CLIP4: variants seen among roughly 807,000 people sequenced by gnomAD.
CLIP4 encodes the protein CAP-Gly domain-containing linker protein 4.
Under a neutral mutation model 73.1 loss-of-function variants are expected in CLIP4, and 47 were observed. The observed-to-expected ratio is 0.64, with a 90% CI of 0.51 to 0.82. The LOEUF (loss-of-function observed/expected upper bound fraction) is 0.82, where lower values mean the gene tolerates loss of function less well. Ranked by LOEUF, CLIP4 falls within the 40% of genes least tolerant of loss-of-function variation. The pLI, the probability that CLIP4 is intolerant of heterozygous loss-of-function variation, is 0.00. For missense variants in CLIP4, 874 were observed against 852.9 expected, an observed-to-expected ratio of 1.02 and a Z score of -0.31; for synonymous variants, 306 against 295.4, an observed-to-expected ratio of 1.04 and a Z score of -0.37.
chr2:29,132,348 A>T, intron 4 of CLIP4, 103 bp downstream of exon 4: 2 of 881,062 alleles, frequency 2.3e-6, no homozygotes, highest in East Asian at 2.5e-5. Flanking sequence ...CACCCAGCTG[A>T]TGATGATAAT....
At chr2:29,165,593 C>A (rs1284933661) in intron 13 of CLIP4, among the ~76,000 whole-genome samples, 3 of 152,180 alleles carry the variant, frequency 2.0e-5, no homozygotes, top group Non-Finnish European at 2.9e-5. Flanking sequence ...GAGTAAAATG[C>A]ATGCTGAGTC....
At chr2:29,144,739 T>C (rs543445309) in intron 7 of CLIP4, among the ~76,000 whole-genome samples, 2 of 151,222 alleles carry the variant, frequency 1.3e-5, no homozygotes, top group East Asian at 1.9e-4. Flanking sequence ...GAGCTTGGTA[T>C]GGAGAATGGA....
At chr2:29,181,463 T>G (rs1274599103) in intron 15 of CLIP4, 109 bp from the exon 16 acceptor site, 6 of 893,608 alleles carry the variant, frequency 6.7e-6, no homozygotes, top group Non-Finnish European at 8.4e-6. Flanking sequence ...TATTCTCTTT[T>G]GGGAACTGAG....
At chr2:29,174,692 T>C in intron 15 of CLIP4, 1 of 1,126,492 alleles carries the variant, frequency 8.9e-7, no homozygotes, top group African/African-American at 1.6e-5. Context: ...TCAGAACTGT[T>C]AATAAAAGTT....
intron 2 of CLIP4, among the ~76,000 whole-genome samples, chr2:29,129,163 T>C (rs966379605): frequency 1.3e-4 from 20 of 152,218 alleles, no homozygotes; most frequent in Non-Finnish European, 2.5e-4. Flanking sequence ...CAGAGGCTTA[T>C]TTGTAATTCA....
rs1310945699 is a variant in CLIP4 at position 29,164,024 on chromosome 2, A to C, written c.1658+70A>C. ...TCTGCAGTGGTTAATAGAGACACTAATTTTATATTAAAGATATGCTCTGAT... is the reference window on the plus strand; with the variant it reads ...TCTGCAGTGGTTAATAGAGACACTACTTTTATATTAAAGATATGCTCTGAT... On this transcript the variant is annotated intron_variant, in intron 13 of 15. Transcript: ENST00000320081. The C allele has an allele frequency of 3.2e-6, 4 of 1,261,976 alleles. No homozygotes were observed. The African/African-American group carries it at 4.5e-5, about 14-fold the overall frequency. The allele number at this position is 1,261,976 out of a possible 1,614,324, so 78.2% of individuals were successfully genotyped here.
intron 14 of CLIP4, 74 bp downstream of exon 14, chr2:29,167,614 G>T (rs540727090): frequency 6.2e-6 from 7 of 1,132,524 alleles, no homozygotes; most frequent in South Asian, 4.6e-5. Context: ...TTATTATGAG[G>T]TATTGTATAC....
In CLIP4 at chr2:29,132,240, G is replaced by GTATTGGTAAGTGTGTGGTAAATC; in HGVS notation, c.366_367+21dup. 1 of 1,611,196 alleles carries GTATTGGTAAGTGTGTGGTAAATC rather than the reference G, an allele frequency of 6.2e-7. No individual in the cohort carries two copies. The highest frequency in any genetic ancestry group is 8.5e-7 in the Non-Finnish European group (1 of 1,177,576). On this transcript the variant is annotated frameshift_variant, in exon 4 of 16. Coordinates refer to ENST00000320081, the MANE Select transcript of CLIP4 (RefSeq NM_024692.6). LOFTEE classifies it high-confidence loss of function. ...TATACCTGCAAATCTGGAGCTCATG[G>GTATTGGTAAGTGTGTGGTAAATC]TATTGGTAAGTGTGTGGTAAATCTA...
rs1558597432 is a variant in CLIP4 at position 29,183,125 on chromosome 2, A to AT, written c.*1234dup. ...TGATGTCATAATGTAAAATGTTTGCATTGTGGTTAGGTATTGAAGTTTATG... is the reference window on the plus strand; with the variant it reads ...TGATGTCATAATGTAAAATGTTTGCATTTGTGGTTAGGTATTGAAGTTTATG... On this transcript the variant is annotated 3_prime_UTR_variant, in exon 16 of 16. Coordinates refer to ENST00000320081, the MANE Select transcript of CLIP4 (RefSeq NM_024692.6). 2 of 152,592 alleles carry AT rather than the reference A, an allele frequency of 1.3e-5. No individual in the cohort carries two copies. Among genetic ancestry groups the AT allele is most frequent in the African/African-American group, 4.8e-5 (2 of 41,448 alleles). The allele number at this position is 152,592 out of a possible 1,614,324, so 9.5% of individuals were successfully genotyped here.
chr2:29,142,287 A>G (rs1340565987), intron 6 of CLIP4, among the ~76,000 whole-genome samples: 1 of 151,270 alleles, frequency 6.6e-6, no homozygotes, highest in Non-Finnish European at 1.5e-5. Flanking sequence ...TTGTTATTTT[A>G]TTATTCTTAC....
intron 14 of CLIP4, among the ~76,000 whole-genome samples, chr2:29,173,344 C>T (rs11896734): frequency 0.19 from 28,410 of 152,186 alleles, 3,516 homozygotes; most frequent in Non-Finnish European, 0.27. Flanking sequence ...TTCATCTGAA[C>T]GGTGTTTCGT....
chr2:29,176,945 C>T (rs77167446), intron 15 of CLIP4, among the ~76,000 whole-genome samples: 3,048 of 152,214 alleles, frequency 0.02, 92 homozygotes, highest in African/African-American at 0.069. Context: ...TCTGCCTGTC[C>T]CTTAAAGCTT....
Position 29,121,484 on chromosome 2 carries a change from C to A in CLIP4, c.96C>A (p.Ile32=). 1 of 1,613,762 alleles carries A rather than the reference C, an allele frequency of 6.2e-7. No individual in the cohort carries two copies. Among genetic ancestry groups the A allele is most frequent in the South Asian group, 1.1e-5 (1 of 91,054 alleles). ...TTTCTGCTTCTGATACCCCAGTTAT[C>A]TTTTCCATTTCTGCAGCACCAATGC... is the stretch of plus-strand genomic sequence containing the variant. ...FIFSASDTPV[I]FSISAAPMPS... The change falls in exon 2 of 16, where the codon ATC becomes ATA. Residue 32 remains isoleucine (I), a synonymous_variant. Coordinates refer to ENST00000320081, the MANE Select transcript of CLIP4 (RefSeq NM_024692.6).
At chr2:29,111,632 A>G (rs1403837835), upstream of CLIP4, among the ~76,000 whole-genome samples, 2 of 152,168 alleles carry the variant, frequency 1.3e-5, no homozygotes, top group Admixed American at 6.5e-5. Context: ...AATATTTTAT[A>G]TTGACTTCCT....
At position 29,178,239 on chromosome 2, in the gene CLIP4, G is replaced by A. The variant is rs557663080; in HGVS notation, c.1797-3333G>A. ...CTTGTTGCCCAAGCTGGAGTGCAAT[G>A]GTGTGATCTTGGTCACTGCAACCTC... On this transcript the variant is annotated intron_variant, in intron 15 of 15. Coordinates refer to ENST00000320081, the MANE Select transcript of CLIP4 (RefSeq NM_024692.6). 7.1e-4 allele frequency among the ~76,000 whole-genome samples: 107 copies of A among 151,280 alleles called. 2 individuals carry two copies. The South Asian group carries it at 0.014, about 19-fold the overall frequency.
At position 29,158,524 on chromosome 2, in the gene CLIP4, GGCCGA is replaced by G. The variant is rs564224629; in HGVS notation, c.1399+1179_1399+1183del. Among the ~76,000 whole-genome samples the G allele has an allele frequency of 4.0e-3, 607 of 152,244 alleles. 6 individuals carry two copies. Among genetic ancestry groups the G allele is most frequent in the African/African-American group, 0.014 (562 of 41,546 alleles). ...AGAGGACCTTTCAAAGAGGGAGATG[GGCCGA>G]GAATGGGAGATATGGGAAAGTCTGT... On this transcript the variant is annotated intron_variant, in intron 11 of 15. Coordinates refer to ENST00000320081, the MANE Select transcript of CLIP4 (RefSeq NM_024692.6).
intron 1 of CLIP4, among the ~76,000 whole-genome samples, chr2:29,102,653 TCTCA>T (rs1359647966): frequency 2.0e-5 from 3 of 150,718 alleles, no homozygotes; most frequent in African/African-American, 7.3e-5. Flanking sequence ...TGAGACAGAG[TCTCA>T]CTCTGTCACC....
intron 15 of CLIP4, among the ~76,000 whole-genome samples, chr2:29,176,979 A>G (rs1012440552): frequency 6.6e-6 from 1 of 152,182 alleles, no homozygotes; most frequent in Non-Finnish European, 1.5e-5. Flanking sequence ...CACAGAATGA[A>G]GTCCAGATTT....
chr2:29,162,904 CTA>C (rs1320922793), intron 12 of CLIP4, among the ~76,000 whole-genome samples: 2 of 152,102 alleles, frequency 1.3e-5, no homozygotes, highest in Non-Finnish European at 2.9e-5. Flanking sequence ...GGAAGAAACA[CTA>C]TTTTTGTAAT....
Sources: allele counts gnomAD v4.1 joint callset (sites outside exome capture counted in the v4.1 genomes callset), GRCh38; gene constraint gnomAD v4.1.1; transcripts MANE v1.5; gene names NCBI Gene and HGNC (gene_info 2026-07-23, HGNC 2026-07-21).